Variants in TRAF3IP1 observed in about 807,000 individuals in gnomAD.
TRAF3IP1 encodes TRAF3-interacting protein 1.
TRAF3IP1 carries 53 observed loss-of-function variants against 89.9 expected under a neutral mutation model. The ratio of observed to expected loss-of-function variants is 0.59; its 90% CI spans 0.47 to 0.74. The LOEUF is 0.74. Ranked by LOEUF, TRAF3IP1 falls within the 30% of genes least tolerant of loss-of-function variation. The pLI is 0.00. For synonymous variants in TRAF3IP1, 311 were observed against 322.1 expected (o/e 0.97, Z 0.37); for missense variants, 806 against 866.1 (o/e 0.93, Z 0.87).
intron 3 of TRAF3IP1, among the ~76,000 whole-genome samples, chr2:238,326,734 G>T (rs1204020291): frequency 6.6e-6 from 1 of 152,068 alleles, no homozygotes; most frequent in East Asian, 1.9e-4. Flanking sequence ...TGGGTGGTTG[G>T]CTGGGGGCTA....
rs747007444 is a variant in TRAF3IP1, at chr2:238,329,158, A to C, written c.731A>C (p.Glu244Ala). Residue 244 changes from glutamate to alanine, a missense_variant, in exon 5 of 17, where the codon GAG becomes GCG. Transcript: ENST00000373327. ...AACAGGGAGCGGGACAGAGACTCCG[A>C]GCGCAAGAAGGAGACAGAGAGAAAG... ...RGNRERDRDS[E>A]RKKETERKSE... 28 of 1,554,394 alleles carry C rather than the reference A, an allele frequency of 1.8e-5. No individual in the cohort carries two copies. In the Admixed American group the frequency reaches 3.9e-4, roughly 22 times the overall value.
chr2:238,356,029 G>T lies in TRAF3IP1; in HGVS notation c.1638G>T (p.Glu546Asp). The T allele has an allele frequency of 6.2e-7, 1 of 1,613,720 alleles. No individual in the cohort carries two copies. The highest frequency in any genetic ancestry group is 8.5e-7 in the Non-Finnish European group (1 of 1,179,692). The change falls in exon 15 of 17, where the codon GAG (glutamate) becomes GAT (aspartate). Residue 546 changes from glutamate (E) to aspartate (D), a missense_variant. Glu to Asp is a conservative substitution (Grantham distance 45). Transcript: ENST00000373327. ...KHGGLVKKIL[E>D]TKKDYEKLQQ... ...GTGGACTTGTGAAAAAAATTTTGGA[G>T]ACGAAGAAAGATTATGAGAAATTGC... is the stretch of plus-strand genomic sequence containing the variant.
intron 15 of TRAF3IP1, among the ~76,000 whole-genome samples, chr2:238,359,785 G>A (rs188495755): frequency 2.9e-4 from 44 of 152,202 alleles, no homozygotes; most frequent in African/African-American, 7.9e-4. Flanking sequence ...GACCCCTAGC[G>A]GATGCCTGAG....
chr2:238,327,505 A>T (rs1327894470), intron 3 of TRAF3IP1, among the ~76,000 whole-genome samples: 5 of 152,170 alleles, frequency 3.3e-5, no homozygotes, highest in African/African-American at 9.7e-5. Flanking sequence ...GCTGTCGGGG[A>T]TGCTGGAGAA....
At chr2:238,332,284 AAGGCG>A (rs1698163603) in intron 5 of TRAF3IP1, among the ~76,000 whole-genome samples, 1 of 152,218 alleles carries the variant, frequency 6.6e-6, no homozygotes, top group African/African-American at 2.4e-5. Context: ...AAAGTGATTT[AAGGCG>A]TGAGATAAGA....
chr2:238,360,353 G>A (rs1183564361), intron 15 of TRAF3IP1, among the ~76,000 whole-genome samples: 2 of 152,176 alleles, frequency 1.3e-5, no homozygotes, highest in African/African-American at 4.8e-5. Flanking sequence ...AGGGCTGGGT[G>A]CTATGGCTCA....
At position 238,376,651 on chromosome 2, in the gene TRAF3IP1, C is replaced by T. The variant is rs756375144; in HGVS notation, c.1689+20571C>T. The stretch of plus-strand genomic sequence containing the variant: ...TATAATTTGATTTGTTAAGGTTGTT[C>T]GTATCTTTTGTTAGATTTATATGTG... On this transcript the variant is annotated intron_variant, in intron 15 of 16. Transcript: ENST00000373327. Among the ~76,000 whole-genome samples the T allele has an allele frequency of 3.3e-4, 50 of 152,090 alleles. 1 individual carries two copies. The highest frequency in any genetic ancestry group is 1.6e-3 in the Admixed American group (25 of 15,276).
intron 15 of TRAF3IP1, among the ~76,000 whole-genome samples, chr2:238,378,462 G>A (rs1288952445): frequency 6.6e-6 from 1 of 152,192 alleles, no homozygotes; most frequent in African/African-American, 2.4e-5. Context: ...TATATTAATA[G>A]ACTTCCTAAT....
chr2:238,383,510 C>T (rs561258708), intron 15 of TRAF3IP1, among the ~76,000 whole-genome samples: 1 of 152,310 alleles, frequency 6.6e-6, no homozygotes, highest in Non-Finnish European at 1.5e-5. Context: ...TCCCTAGGCC[C>T]CTGCTGACTT....
At chr2:238,362,553 A>G (rs951952470) in intron 15 of TRAF3IP1, among the ~76,000 whole-genome samples, 8 of 152,144 alleles carry the variant, frequency 5.3e-5, no homozygotes, top group African/African-American at 1.9e-4. Context: ...CCAGCCAGCA[A>G]GAGGGAGAAA....
intron 15 of TRAF3IP1, 137 bp from the exon 16 acceptor site, chr2:238,397,322 G>A (rs1010025029): frequency 1.4e-5 from 10 of 698,096 alleles, no homozygotes; most frequent in Admixed American, 4.9e-5. Flanking sequence ...TTGCATGGGA[G>A]TGAGTGTCCC....
chr2:238,348,983 A>G, intron 11 of TRAF3IP1, 135 bp downstream of exon 11: 1 of 747,740 alleles, frequency 1.3e-6, no homozygotes. Flanking sequence ...AAAGAATACA[A>G]GAAGTATATC....
intron 15 of TRAF3IP1, among the ~76,000 whole-genome samples, chr2:238,374,884 C>T (rs1700252048): frequency 6.6e-6 from 1 of 152,100 alleles, no homozygotes; most frequent in South Asian, 2.1e-4. Flanking sequence ...AGGAATTTAT[C>T]TATTTTTTCT....
chr2:238,372,798 T>C (rs1700163151), intron 15 of TRAF3IP1, among the ~76,000 whole-genome samples: 1 of 152,222 alleles, frequency 6.6e-6, no homozygotes, highest in Non-Finnish European at 1.5e-5. Context: ...CATCTGTTGT[T>C]TCCTGACTTT....
At chr2:238,376,035 A>C (rs1700300789) in intron 15 of TRAF3IP1, among the ~76,000 whole-genome samples, 2 of 152,180 alleles carry the variant, frequency 1.3e-5, no homozygotes, top group Admixed American at 1.3e-4. Context: ...CCCAGAGGTT[A>C]GCAAACTTTT....
At chr2:238,334,099 A>G in intron 7 of TRAF3IP1, 64 bp downstream of exon 7, 1 of 1,177,662 alleles carries the variant, frequency 8.5e-7, no homozygotes. Context: ...TTTTGTCTTA[A>G]TCTCAATGTC....
intron 12 of TRAF3IP1, among the ~76,000 whole-genome samples, chr2:238,350,178 G>A (rs1411300915): frequency 6.6e-6 from 1 of 152,170 alleles, no homozygotes; most frequent in Non-Finnish European, 1.5e-5. Flanking sequence ...GAGTAGATGT[G>A]TTTTTCTAGG....
At chr2:238,348,593 A>G (rs142301634) in intron 10 of TRAF3IP1, among the ~76,000 whole-genome samples, 171 bp from the exon 11 acceptor site, 29 of 152,356 alleles carry the variant, frequency 1.9e-4, no homozygotes, top group African/African-American at 7.0e-4. Context: ...GATATCAGAC[A>G]TCGATTTTCT....
At chr2:238,341,749 C>T (rs1161122268) in intron 8 of TRAF3IP1, among the ~76,000 whole-genome samples, 1 of 152,218 alleles carries the variant, frequency 6.6e-6, no homozygotes, top group Non-Finnish European at 1.5e-5. Flanking sequence ...TCATTTGACT[C>T]AGGATGGCTC....
Sources: allele counts gnomAD v4.1 joint callset (sites outside exome capture counted in the v4.1 genomes callset), GRCh38; gene constraint gnomAD v4.1.1; transcripts MANE v1.5; gene names NCBI Gene and HGNC (gene_info 2026-07-23, HGNC 2026-07-21).